The following BTC variants were observed in gnomAD, a reference collection of about 807,000 sequenced individuals.
BTC encodes betacellulin.
In BTC, 13 loss-of-function variants were observed where a neutral mutation model predicts 18.1. The observed-to-expected ratio is 0.72, with a 90% CI of 0.47 to 1.14. BTC has a LOEUF of 1.14. Ranked by LOEUF, BTC falls within the 50% of genes most tolerant of loss-of-function variation. The probability of loss-of-function intolerance (pLI) is 0.00; values close to 1 mark genes in which losing one functional copy is unlikely to be tolerated. For synonymous variants in BTC, 83 were observed against 79.4 expected (o/e 1.05, Z -0.24); for missense variants, 247 against 224.2 (o/e 1.10, Z -0.65).
rs1553955266 is a variant in BTC, at chr4:74,745,292, C to G, written c.*1385G>C. 6.6e-5 allele frequency: 10 copies of G among 152,136 alleles called. No homozygotes were observed. The allele number at this position is 152,136 out of a possible 1,614,324, so 9.4% of individuals were successfully genotyped here. On this transcript the variant is annotated 3_prime_UTR_variant, in exon 6 of 6. Transcript: ENST00000395743. The stretch of plus-strand genomic sequence containing the variant: ...TACAGCCCCAGCTTCACTCAAAACA[C>G]CATGGATGCTAGAAGGTAATATGCG...
chr4:74,791,089 T>G (rs951873098), intron 1 of BTC, among the ~76,000 whole-genome samples: 3 of 152,202 alleles, frequency 2.0e-5, no homozygotes, highest in Non-Finnish European at 2.9e-5. Context: ...TCTCCCTACC[T>G]AATTCAGCAA....
At chr4:74,750,814 A>C (rs1553956068) in intron 3 of BTC, 95 bp from the exon 4 acceptor site, 1 of 1,457,892 alleles carries the variant, frequency 6.9e-7, no homozygotes, top group African/African-American at 1.4e-5. Context: ...TCATTACTTG[A>C]AATTAATAAA....
intron 2 of BTC, among the ~76,000 whole-genome samples, chr4:74,760,443 A>G (rs1435931933): frequency 6.6e-6 from 1 of 152,222 alleles, no homozygotes; most frequent in Non-Finnish European, 1.5e-5. Context: ...CAAATTTCTT[A>G]GGCCAAAATG....
intron 1 of BTC, among the ~76,000 whole-genome samples, chr4:74,773,868 T>C (rs1704482762): frequency 1.3e-5 from 2 of 152,000 alleles, no homozygotes; most frequent in Non-Finnish European, 2.9e-5. Flanking sequence ...CATCTCAGCC[T>C]CCCAAAGTGC....
chr4:74,787,850 C>T (rs933304251), intron 1 of BTC, among the ~76,000 whole-genome samples: 2 of 152,088 alleles, frequency 1.3e-5, no homozygotes, highest in African/African-American at 2.4e-5. Context: ...CTCCTGATTA[C>T]GAGCCATCTC....
Position 74,794,328 on chromosome 4 carries a change from A to G in BTC, c.-3T>C. ...CTGCACCGGGCGGCCCGGTCCATCAACCCCGCTCTGCCGGGCCGGGCAGCC... is the reference window on the plus strand; with the variant it reads ...CTGCACCGGGCGGCCCGGTCCATCAGCCCCGCTCTGCCGGGCCGGGCAGCC... On this transcript the variant is annotated 5_prime_UTR_variant, in exon 1 of 6. Transcript: ENST00000395743. 2 of 1,543,974 alleles carry G rather than the reference A, an allele frequency of 1.3e-6. No homozygotes were observed. The highest frequency in any genetic ancestry group is 1.7e-6 in the Non-Finnish European group (2 of 1,144,724).
rs1248676804 is a variant in BTC at position 74,770,057 on chromosome 4, C to T, written c.163+1G>A. ...TGAATATAAAACTTGTTAAACTTTA[C>T]CTGCACAGTTTTCCTCAGGGTCTCC... is the stretch of plus-strand genomic sequence containing the variant. On this transcript the variant is annotated splice_donor_variant, in intron 2 of 5. Coordinates refer to ENST00000395743, the MANE Select transcript of BTC (RefSeq NM_001729.4). LOFTEE classifies it high-confidence loss of function. 4 of 1,602,994 alleles carry T rather than the reference C, an allele frequency of 2.5e-6. No homozygotes were observed. The South Asian group carries it at 4.5e-5, about 18-fold the overall frequency.
chr4:74,758,934 C>T (rs1299499171), intron 2 of BTC, among the ~76,000 whole-genome samples: 1 of 152,054 alleles, frequency 6.6e-6, no homozygotes, highest in Non-Finnish European at 1.5e-5. Context: ...CATACTGCCA[C>T]ACATGCACAT....
At chr4:74,757,902 A>C (rs1189219540) in intron 2 of BTC, among the ~76,000 whole-genome samples, 1 of 152,166 alleles carries the variant, frequency 6.6e-6, no homozygotes, top group African/African-American at 2.4e-5. Flanking sequence ...GTCTGTTGAG[A>C]GGTGCAGATA....
chr4:74,793,795 TC>T (rs201921164), intron 1 of BTC, among the ~76,000 whole-genome samples: 2,632 of 152,240 alleles, frequency 0.017, 79 homozygotes, highest in African/African-American at 0.061. Context: ...GTCAAAGAGT[TC>T]CCGTTCTTCT....
intron 2 of BTC, among the ~76,000 whole-genome samples, chr4:74,764,456 C>T (rs2109893957): frequency 6.6e-6 from 1 of 152,206 alleles, no homozygotes; most frequent in Middle Eastern, 3.4e-3. Context: ...AACAAAATGG[C>T]TTAGAATGAG....
At chr4:74,775,617 C>T (rs1469414143) in intron 1 of BTC, among the ~76,000 whole-genome samples, 2 of 152,164 alleles carry the variant, frequency 1.3e-5, no homozygotes, top group Non-Finnish European at 2.9e-5. Context: ...CGAAATATGC[C>T]ATTTCAAGGA....
intron 1 of BTC, among the ~76,000 whole-genome samples, chr4:74,775,087 T>A (rs1370217273): frequency 2.0e-5 from 3 of 152,146 alleles, no homozygotes; most frequent in Admixed American, 6.6e-5. Context: ...GGAAACAGGT[T>A]GAGCATAGAG....
At chr4:74,791,305 G>A (rs1160261379) in intron 1 of BTC, among the ~76,000 whole-genome samples, 5 of 151,976 alleles carry the variant, frequency 3.3e-5, no homozygotes, top group Non-Finnish European at 7.4e-5. Flanking sequence ...TCATGCCACT[G>A]TAACTGAGCC....
intron 1 of BTC, among the ~76,000 whole-genome samples, chr4:74,788,899 A>T (rs1265618442): frequency 6.6e-6 from 1 of 152,236 alleles, no homozygotes; most frequent in Non-Finnish European, 1.5e-5. Context: ...AAGACATTAA[A>T]GATAGGATAC....
chr4:74,762,052 A>T (rs1326032660), intron 2 of BTC, among the ~76,000 whole-genome samples: 1 of 152,242 alleles, frequency 6.6e-6, no homozygotes, highest in Non-Finnish European at 1.5e-5. Context: ...CATAAATATT[A>T]GTAAGATGAA....
intron 5 of BTC, among the ~76,000 whole-genome samples, 171 bp from the exon 6 acceptor site, chr4:74,746,846 A>C (rs192813656): frequency 1.3e-5 from 2 of 152,328 alleles, no homozygotes; most frequent in Non-Finnish European, 2.9e-5. Context: ...AACCCCATTA[A>C]GCTGCTGGGA....
intron 2 of BTC, among the ~76,000 whole-genome samples, chr4:74,768,851 G>A (rs1293836841): frequency 6.6e-6 from 1 of 152,118 alleles, no homozygotes; most frequent in Non-Finnish European, 1.5e-5. Flanking sequence ...AGGGAAATGT[G>A]AAAAAATGCC....
intron 4 of BTC, 149 bp downstream of exon 4, chr4:74,750,424 T>C: frequency 1.4e-6 from 1 of 730,282 alleles, no homozygotes; most frequent in Non-Finnish European, 2.2e-6. Flanking sequence ...TTATGAATAC[T>C]TCTATATCAA....
Sources: allele counts gnomAD v4.1 joint callset (sites outside exome capture counted in the v4.1 genomes callset), GRCh38; gene constraint gnomAD v4.1.1; transcripts MANE v1.5; gene names NCBI Gene and HGNC (gene_info 2026-07-23, HGNC 2026-07-21).